ABHD12: variants seen among roughly 807,000 people sequenced by gnomAD.
The protein encoded by ABHD12 is lysophosphatidylserine lipase ABHD12.
ABHD12 carries 43 observed loss-of-function variants against 58.3 expected under a neutral mutation model. The ratio of observed to expected loss-of-function variants is 0.74; its 90% confidence interval spans 0.58 to 0.95. ABHD12 has a LOEUF of 0.95. ABHD12 is among the 40% of genes least tolerant of loss of function. The probability of loss-of-function intolerance (pLI) is 0.00; values close to 1 mark genes in which losing one functional copy is unlikely to be tolerated. For missense variants in ABHD12, 539 were observed against 537.2 expected, an observed-to-expected ratio of 1.00 and a Z score of -0.03; for synonymous variants, 219 against 211.2, an observed-to-expected ratio of 1.04 and a Z score of -0.32.
At chr20:25,364,361 G>A (rs1043699995) in intron 1 of ABHD12, among the ~76,000 whole-genome samples, 1 of 152,214 alleles carries the variant, frequency 6.6e-6, no homozygotes. Flanking sequence ...TAGACAAGAA[G>A]CATGGTGCCC....
rs777362757 is a variant in ABHD12 at position 25,309,530 on chromosome 20, T to G, written c.665A>C (p.Tyr222Ser). The change falls in exon 7 of 13, where the codon TAT becomes TCT. Residue 222 changes from tyrosine to serine, a missense_variant. Physicochemically the swap from Tyr to Ser is moderately radical, Grantham distance 144. Coordinates refer to ENST00000339157, the MANE Select transcript of ABHD12 (RefSeq NM_001042472.3). ...VGTPSERGMT[Y>S]DALHVFDWIK... is the part of the protein sequence containing the mutation. ...CCAGTCAAAAACGTGGAGTGCGTCA[T>G]AGGTCATGCCCCGCTCAGATGGCGT... The G allele has an allele frequency of 3.1e-6, 5 of 1,614,156 alleles. No homozygotes were observed. The highest frequency in any genetic ancestry group is 4.2e-6 in the Non-Finnish European group (5 of 1,180,028).
At chr20:25,378,605 T>C (rs972869292) in intron 1 of ABHD12, among the ~76,000 whole-genome samples, 3 of 152,120 alleles carry the variant, frequency 2.0e-5, no homozygotes, top group African/African-American at 7.2e-5. Context: ...CCCTGAACAT[T>C]CTTACCTTCC....
chr20:25,337,000 G>A (rs2089382549), intron 2 of ABHD12, among the ~76,000 whole-genome samples: 1 of 152,224 alleles, frequency 6.6e-6, no homozygotes, highest in African/African-American at 2.4e-5. Flanking sequence ...AATGGCTCAC[G>A]CCTGTAATCC....
intron 1 of ABHD12, among the ~76,000 whole-genome samples, chr20:25,378,840 C>G (rs985437490): frequency 6.6e-6 from 1 of 152,138 alleles, no homozygotes; most frequent in Non-Finnish European, 1.5e-5. Context: ...ACCCAAAAGT[C>G]CTGGCTTTCT....
At chr20:25,353,864 G>A (rs1200421003) in intron 1 of ABHD12, among the ~76,000 whole-genome samples, 1 of 152,170 alleles carries the variant, frequency 6.6e-6, no homozygotes, top group African/African-American at 2.4e-5. Flanking sequence ...GTCAGGCCGT[G>A]GTTTCTGCTC....
chr20:25,314,356 A>C (rs989559701), intron 6 of ABHD12, among the ~76,000 whole-genome samples: 2 of 152,158 alleles, frequency 1.3e-5, no homozygotes, highest in Non-Finnish European at 2.9e-5. Context: ...CCAGCTCTGC[A>C]GTCTAAAAAA....
chr20:25,295,512 G>A (rs546962344), downstream of ABHD12: 330 of 1,423,654 alleles, frequency 2.3e-4, 1 homozygote, highest in Middle Eastern at 2.3e-4. Flanking sequence ...CAGGTGGATG[G>A]TGCCTGGCCT....
chr20:25,345,870 C>T (rs2089511488), intron 1 of ABHD12, among the ~76,000 whole-genome samples: 1 of 152,200 alleles, frequency 6.6e-6, no homozygotes, highest in South Asian at 2.1e-4. Context: ...CTTGGGAAGA[C>T]AGTTTGGCAA....
chr20:25,389,207 A>G (rs2090136712), intron 1 of ABHD12, among the ~76,000 whole-genome samples: 1 of 152,222 alleles, frequency 6.6e-6, no homozygotes, highest in Non-Finnish European at 1.5e-5. Context: ...TTTAATGCAG[A>G]TAAATCTTTC....
chr20:25,342,327 C>T (rs2089465860), intron 1 of ABHD12, among the ~76,000 whole-genome samples: 1 of 152,186 alleles, frequency 6.6e-6, no homozygotes, highest in African/African-American at 2.4e-5. Context: ...TGAAAGATGG[C>T]CAGGTCACTG....
At position 25,322,382 on chromosome 20, in the gene ABHD12, T is replaced by TATATATATATATATATATATA. The variant is rs1491359839; in HGVS notation, c.422+942_422+943insTATATATATATATATATATAT. Among the ~76,000 whole-genome samples, 8 of 38,272 alleles carry TATATATATATATATATATATA rather than the reference T, an allele frequency of 2.1e-4. 1 individual carries two copies. The highest frequency in any genetic ancestry group is 6.3e-4 in the Admixed American group (2 of 3,184). 25.1% of individuals were successfully genotyped at this position (38,272 alleles called of 152,430 possible). On this transcript the variant is annotated intron_variant, in intron 3 of 12. Coordinates refer to ENST00000339157, the MANE Select transcript of ABHD12 (RefSeq NM_001042472.3). ...GAAAAGATATATATATATATATATA[T>TATATATATATATATATATATA]TTTTTTTTTTTTTTGAGACAAGAGT...
At chr20:25,360,241 T>C (rs1419375250) in intron 1 of ABHD12, among the ~76,000 whole-genome samples, 3 of 115,876 alleles carry the variant, frequency 2.6e-5, no homozygotes, top group African/African-American at 6.8e-5. Flanking sequence ...TTTTTTTTTT[T>C]TTTTTTTTTT....
At chr20:25,296,693 G>A, downstream of ABHD12, 3 of 870,446 alleles carry the variant, frequency 3.4e-6, no homozygotes, top group Non-Finnish European at 3.4e-6. Context: ...GGGTAAGGAA[G>A]GAATGTGCTA....
intron 8 of ABHD12, among the ~76,000 whole-genome samples, 199 bp downstream of exon 8, chr20:25,308,258 G>T (rs1391443805): frequency 1.3e-5 from 2 of 152,222 alleles, no homozygotes; most frequent in Admixed American, 1.3e-4. Context: ...TGCTGATGCG[G>T]CTCTGGGGCC....
At chr20:25,374,132 C>A (rs1220685516) in intron 1 of ABHD12, among the ~76,000 whole-genome samples, 3 of 152,094 alleles carry the variant, frequency 2.0e-5, no homozygotes, top group Non-Finnish European at 4.4e-5. Flanking sequence ...CCCTTTGTTG[C>A]CCAGGCTGGT....
At chr20:25,320,164 C>T (rs1188690527) in intron 4 of ABHD12, 35 bp downstream of exon 4, 2 of 1,612,450 alleles carry the variant, frequency 1.2e-6, no homozygotes, top group East Asian at 4.5e-5. Flanking sequence ...AGGAGCCATG[C>T]TCCACAGCAA....
chr20:25,368,791 G>A (rs1159386173), intron 1 of ABHD12: 57 of 735,228 alleles, frequency 7.8e-5, no homozygotes, highest in Non-Finnish European at 1.2e-4. Context: ...GGCTCCCAGC[G>A]GCGGTGGCAT....
Position 25,320,210 on chromosome 20 carries a change from G to T in ABHD12, c.531C>A (p.Asn177Lys). 6.2e-7 allele frequency: 1 copy of T among 1,613,988 alleles called. No individual in the cohort carries two copies. The highest frequency in any genetic ancestry group is 1.1e-5 in the South Asian group (1 of 91,084). ...SHPIILYLHGNAGTRGGDHRV... is the reference protein window; with the variant it reads ...SHPIILYLHGKAGTRGGDHRV... ...CTCCTCTCCCTCACCTGGTACCTGC[G>T]TTCCCATGCAGGTACAGAATGATAG... Residue 177 changes from asparagine to lysine, a missense_variant, in exon 4 of 13, where the codon AAC (asparagine) becomes AAA (lysine). Transcript: ENST00000339157.
intron 1 of ABHD12, among the ~76,000 whole-genome samples, chr20:25,373,924 G>GTATT (rs1568770655): frequency 1.2e-4 from 18 of 151,926 alleles, no homozygotes; most frequent in African/African-American, 3.6e-4. Context: ...GCATAGTGAT[G>GTATT]CATTTATTTA....
Sources: gnomAD v4.1 joint callset for allele counts (sites outside exome capture counted in the v4.1 genomes callset) on GRCh38, gnomAD v4.1.1 for gene constraint, MANE v1.5 for transcripts, NCBI Gene and HGNC (gene_info 2026-07-23, HGNC 2026-07-21) for gene names.